The following MCC variants were observed in gnomAD, a reference collection of about 807,000 sequenced individuals.
MCC encodes the protein colorectal mutant cancer protein.
A neutral mutation model predicts 116.2 loss-of-function variants in MCC; 90 were observed. The ratio of observed to expected loss-of-function variants is 0.77; its 90% CI spans 0.65 to 0.92. The LOEUF (loss-of-function observed/expected upper bound fraction) is 0.92. Among genes scored for constraint, MCC ranks in the 40% least tolerant of loss-of-function variants. The probability of loss-of-function intolerance (pLI) is 0.00; values close to 1 mark genes in which losing one functional copy is unlikely to be tolerated. For synonymous variants in MCC, 578 were observed against 510.5 expected, an observed-to-expected ratio of 1.13 and a Z score of -1.78; for missense variants, 1,516 against 1,312.2, an observed-to-expected ratio of 1.16 and a Z score of -2.40.
intron 3 of MCC, among the ~76,000 whole-genome samples, chr5:113,183,935 C>T (rs1761757448): frequency 6.6e-6 from 1 of 151,726 alleles, no homozygotes; most frequent in South Asian, 2.1e-4. Context: ...ATTCCCCATG[C>T]AATTTTTCGG....
chr5:113,407,114 T>C (rs1209716063), intron 1 of MCC, among the ~76,000 whole-genome samples: 1 of 152,208 alleles, frequency 6.6e-6, no homozygotes, highest in Non-Finnish European at 1.5e-5. Context: ...CTTATAACTC[T>C]AGAGTAAGTT....
intron 3 of MCC, among the ~76,000 whole-genome samples, chr5:113,335,524 TTACA>T (rs1767849323): frequency 6.6e-6 from 1 of 151,766 alleles, no homozygotes. Context: ...TTTAGAATAC[TTACA>T]TATGTTACTA....
intron 3 of MCC, among the ~76,000 whole-genome samples, chr5:113,243,708 A>ACCT (rs199892653): frequency 0.16 from 24,246 of 152,042 alleles, 2,264 homozygotes; most frequent in Admixed American, 0.29. Context: ...CACTGGCTCA[A>ACCT]TTGCCTCCTG....
At chr5:113,078,103 G>C (rs186289131) in intron 11 of MCC, among the ~76,000 whole-genome samples, 1 of 152,034 alleles carries the variant, frequency 6.6e-6, no homozygotes, top group Non-Finnish European at 1.5e-5. Flanking sequence ...ACACTAAACC[G>C]GGAAGGAGTT....
intron 1 of MCC, among the ~76,000 whole-genome samples, chr5:113,425,810 A>G (rs1433658158): frequency 6.6e-6 from 1 of 152,068 alleles, no homozygotes; most frequent in East Asian, 1.9e-4. Context: ...TCTAGTATCT[A>G]TCTGACTTCT....
intron 3 of MCC, among the ~76,000 whole-genome samples, chr5:113,333,027 C>G (rs535389224): frequency 7.3e-5 from 11 of 151,618 alleles, no homozygotes; most frequent in African/African-American, 2.2e-4. Flanking sequence ...ACTGTGGGAA[C>G]TGAAAAGTGT....
chr5:113,158,994 C>A (rs1760332810), intron 3 of MCC, among the ~76,000 whole-genome samples: 1 of 151,992 alleles, frequency 6.6e-6, no homozygotes. Context: ...GGGCTGAAGA[C>A]ATGGGAGAAG....
intron 3 of MCC, among the ~76,000 whole-genome samples, chr5:113,178,671 T>C (rs1050328833): frequency 1.3e-5 from 2 of 152,210 alleles, no homozygotes; most frequent in African/African-American, 2.4e-5. Context: ...TTTCTCACAC[T>C]ACTGTCTTCT....
intron 1 of MCC, among the ~76,000 whole-genome samples, chr5:113,459,831 C>CACACACACACAG (rs1486259869): frequency 8.6e-6 from 1 of 116,216 alleles, no homozygotes; most frequent in Non-Finnish European, 2.2e-5. Context: ...GGAAAACACA[C>CACACACACACAG]ACACACACAC....
intron 3 of MCC, among the ~76,000 whole-genome samples, chr5:113,228,775 A>G (rs1314919973): frequency 6.6e-6 from 1 of 152,200 alleles, no homozygotes; most frequent in Non-Finnish European, 1.5e-5. Context: ...GACCAGTTAC[A>G]AAAACAAGAA....
At chr5:113,423,958 G>A (rs1417173433) in intron 1 of MCC, among the ~76,000 whole-genome samples, 1 of 152,002 alleles carries the variant, frequency 6.6e-6, no homozygotes, top group Non-Finnish European at 1.5e-5. Context: ...TGACAACCCT[G>A]GCTACTAGCT....
intron 1 of MCC, among the ~76,000 whole-genome samples, chr5:113,466,544 T>A (rs1317146572): frequency 6.6e-6 from 1 of 152,104 alleles, no homozygotes; most frequent in Non-Finnish European, 1.5e-5. Flanking sequence ...TAGTATTCCA[T>A]GGTGTATATG....
chr5:113,480,286 C>T (rs1772345280), intron 1 of MCC, among the ~76,000 whole-genome samples: 1 of 152,222 alleles, frequency 6.6e-6, no homozygotes, highest in Non-Finnish European at 1.5e-5. Context: ...TTAGGTCATA[C>T]ATTTCACTGA....
At chr5:113,041,253 C>T (rs76612291) in intron 17 of MCC, among the ~76,000 whole-genome samples, 1,706 of 152,236 alleles carry the variant, frequency 0.011, 33 homozygotes, top group African/African-American at 0.038. Context: ...ATAAACAGGC[C>T]CGCTGGATCA....
chr5:113,333,680 C>T (rs1168827751), intron 3 of MCC, among the ~76,000 whole-genome samples: 4 of 148,834 alleles, frequency 2.7e-5, no homozygotes, highest in Admixed American at 1.4e-4. Flanking sequence ...ACAGCTTCAT[C>T]ATTTGAAATG....
intron 3 of MCC, among the ~76,000 whole-genome samples, chr5:113,187,611 C>T (rs573555491): frequency 1.2e-4 from 18 of 151,922 alleles, no homozygotes; most frequent in African/African-American, 3.4e-4. Flanking sequence ...AAAAATTAGC[C>T]GGGCGTGGTG....
intron 3 of MCC, among the ~76,000 whole-genome samples, chr5:113,182,756 C>T (rs1761695265): frequency 6.6e-6 from 1 of 152,224 alleles, no homozygotes; most frequent in South Asian, 2.1e-4. Context: ...TATTTATCTA[C>T]TTCCGGTGCC....
intron 3 of MCC, among the ~76,000 whole-genome samples, chr5:113,246,301 CT>C (rs1459980987): frequency 3.3e-4 from 50 of 152,184 alleles, no homozygotes; most frequent in Non-Finnish European, 7.2e-4. Flanking sequence ...GAAATATTTA[CT>C]TTTTAAATTG....
At chr5:113,120,834 C>T (rs1757693667) in intron 6 of MCC, among the ~76,000 whole-genome samples, 1 of 152,230 alleles carries the variant, frequency 6.6e-6, no homozygotes, top group South Asian at 2.1e-4. Flanking sequence ...CCAGGTCTCT[C>T]CTCTTGGTGT....
Sources: allele counts gnomAD v4.1 joint callset (sites outside exome capture counted in the v4.1 genomes callset), GRCh38; gene constraint gnomAD v4.1.1; transcripts MANE v1.5; gene names NCBI Gene and HGNC (gene_info 2026-07-23, HGNC 2026-07-21).